Variants in GNA12 observed in about 807,000 individuals in gnomAD.
GNA12 encodes G protein subunit alpha 12.
Under a neutral mutation model 26.0 loss-of-function variants are expected in GNA12, and 9 were observed. The observed-to-expected ratio is 0.35, with a 90% CI of 0.21 to 0.60. The LOEUF (loss-of-function observed/expected upper bound fraction) is 0.60. Ranked by LOEUF, GNA12 falls within the 20% of genes least tolerant of loss-of-function variation. The probability of loss-of-function intolerance (pLI) is 0.78; values close to 1 mark genes in which losing one functional copy is unlikely to be tolerated. For missense variants in GNA12, 405 were observed against 525.8 expected (o/e 0.77, Z 2.25); for synonymous variants, 264 against 219.6 (o/e 1.20, Z -1.79).
chr7:2,777,094 G>A (rs551994369), intron 2 of GNA12, among the ~76,000 whole-genome samples: 2 of 152,296 alleles, frequency 1.3e-5, no homozygotes, highest in East Asian at 3.9e-4. Context: ...TCCTGCACCT[G>A]TGTAGCCCTA....
intron 2 of GNA12, among the ~76,000 whole-genome samples, chr7:2,788,756 A>ATGACCACAC (rs1583282584): frequency 6.6e-6 from 1 of 152,210 alleles, no homozygotes; most frequent in East Asian, 1.9e-4. Flanking sequence ...CTGCCCTGCT[A>ATGACCACAC]TGACCACACT....
At chr7:2,769,116 C>G (rs1791885778) in intron 2 of GNA12, among the ~76,000 whole-genome samples, 1 of 152,070 alleles carries the variant, frequency 6.6e-6, no homozygotes, top group Non-Finnish European at 1.5e-5. Context: ...GGTAGCCAGG[C>G]TGGTCTCGAA....
intron 2 of GNA12, among the ~76,000 whole-genome samples, chr7:2,737,065 A>G (rs1364302507): frequency 6.6e-6 from 1 of 152,092 alleles, no homozygotes; most frequent in Admixed American, 6.5e-5. Flanking sequence ...GGTGTGCATT[A>G]AAGACAGCCC....
chr7:2,831,259 C>A (rs192622425), intron 1 of GNA12, among the ~76,000 whole-genome samples: 1 of 152,054 alleles, frequency 6.6e-6, no homozygotes, highest in African/African-American at 2.4e-5. Context: ...CAGCTCATCT[C>A]CCAGGGAGTT....
At chr7:2,740,636 A>T (rs1252274435) in intron 2 of GNA12, among the ~76,000 whole-genome samples, 2 of 152,212 alleles carry the variant, frequency 1.3e-5, no homozygotes, top group Non-Finnish European at 2.9e-5. Context: ...AAAGATGGTG[A>T]AATGTAAACA....
Position 2,844,202 on chromosome 7 carries a change from G to C in GNA12, c.-41C>G, listed in dbSNP as rs888586611. ...GGCCGCGCCCCGCCGGCGCCCGGGG[G>C]CCATGGACGCTCCCGCCGGCGAGGG... is the stretch of plus-strand genomic sequence containing the variant. On this transcript the variant is annotated 5_prime_UTR_variant, in exon 1 of 4. Coordinates refer to ENST00000275364, the MANE Select transcript of GNA12 (RefSeq NM_007353.3). 2 of 943,396 alleles carry C rather than the reference G, an allele frequency of 2.1e-6. No individual in the cohort carries two copies. Among genetic ancestry groups the C allele is most frequent in the South Asian group, 9.4e-5 (2 of 21,358 alleles). 58.4% of individuals were successfully genotyped at this position (943,396 alleles called of 1,614,324 possible). A position where few individuals can be genotyped will look rare whatever the true frequency, so the allele number is the denominator to read the frequency against.
intron 2 of GNA12, chr7:2,762,472 C>T: frequency 1.5e-6 from 1 of 652,768 alleles, no homozygotes; most frequent in Non-Finnish European, 2.5e-6. Flanking sequence ...CCTCTGAACC[C>T]ACCCGTGTGC....
chr7:2,760,855 C>T (rs931285957), intron 2 of GNA12, among the ~76,000 whole-genome samples: 3 of 152,186 alleles, frequency 2.0e-5, no homozygotes, highest in Non-Finnish European at 2.9e-5. Context: ...GCTGGTGACA[C>T]GAGGAACAGA....
intron 2 of GNA12, among the ~76,000 whole-genome samples, chr7:2,752,380 T>C (rs1324695466): frequency 6.6e-6 from 1 of 152,168 alleles, no homozygotes; most frequent in Non-Finnish European, 1.5e-5. Flanking sequence ...ACACTGGGTG[T>C]AAGGCAAGGA....
rs758106371 is a variant in GNA12 at position 2,795,126 on chromosome 7, A to G, written c.327T>C (p.Val109=). The change falls in exon 2 of 4, where the codon GTT becomes GTC. Residue 109 remains valine, a synonymous_variant. Coordinates refer to ENST00000275364, the MANE Select transcript of GNA12 (RefSeq NM_007353.3). Reference sequence around the variant, plus strand: ...GAATGCCAAGCTTATCTCGTGCATCAACAAGAACCCTTGAGCCCTAGAAAA... The same window carrying G: ...GAATGCCAAGCTTATCTCGTGCATCGACAAGAACCCTTGAGCCCTAGAAAA... ...DNILKGSRVL[V]DARDKLGIPW... 4.3e-6 allele frequency: 7 copies of G among 1,612,760 alleles called. No homozygotes were observed. The highest frequency in any genetic ancestry group is 5.9e-6 in the Non-Finnish European group (7 of 1,178,876).
chr7:2,808,176 G>A (rs1047801674), intron 1 of GNA12, among the ~76,000 whole-genome samples: 3 of 152,130 alleles, frequency 2.0e-5, no homozygotes, highest in Admixed American at 6.5e-5. Context: ...TATCTCTTTC[G>A]GGAATCTGTG....
intron 1 of GNA12, among the ~76,000 whole-genome samples, chr7:2,809,770 C>A (rs1440551321): frequency 6.6e-6 from 1 of 151,996 alleles, no homozygotes; most frequent in African/African-American, 2.4e-5. Context: ...ATAGAAGAAG[C>A]AATTTTCACA....
chr7:2,733,601 T>C, intron 2 of GNA12, 100 bp from the exon 3 acceptor site: 3 of 854,218 alleles, frequency 3.5e-6, no homozygotes, highest in Non-Finnish European at 5.9e-6. Context: ...GCATTTCGCC[T>C]CCGTGTGAAT....
chr7:2,754,685 G>A (rs950282160), intron 2 of GNA12, among the ~76,000 whole-genome samples: 3 of 152,112 alleles, frequency 2.0e-5, no homozygotes, highest in Non-Finnish European at 4.4e-5. Flanking sequence ...GGAGACTGAG[G>A]CTGCAGTGAG....
At chr7:2,762,820 G>T in intron 2 of GNA12, 1 of 1,523,448 alleles carries the variant, frequency 6.6e-7, no homozygotes, top group South Asian at 1.2e-5. Flanking sequence ...CCTCCCATCC[G>T]CCACACACCC....
chr7:2,811,612 C>T (rs1400543428), intron 1 of GNA12, among the ~76,000 whole-genome samples: 5 of 152,212 alleles, frequency 3.3e-5, no homozygotes, highest in Admixed American at 6.5e-5. Context: ...AAGCACACGG[C>T]ACAGATTTCG....
intron 1 of GNA12, among the ~76,000 whole-genome samples, chr7:2,815,721 G>C (rs956877056): frequency 1.3e-5 from 2 of 152,154 alleles, no homozygotes; most frequent in Admixed American, 6.5e-5. Context: ...GGTGCTCCCC[G>C]TGTGGCCCCG....
At chr7:2,835,578 G>C (rs1778814895) in intron 1 of GNA12, 2 of 553,608 alleles carry the variant, frequency 3.6e-6, no homozygotes, top group Non-Finnish European at 3.3e-6. Context: ...GAGCGCGCTT[G>C]GGGGCAAAGT....
intron 2 of GNA12, among the ~76,000 whole-genome samples, chr7:2,734,677 C>T (rs1377440182): frequency 6.6e-6 from 1 of 152,240 alleles, no homozygotes; most frequent in Non-Finnish European, 1.5e-5. Flanking sequence ...AGGAGCCCAC[C>T]TTCCTACTTT....
Sources: allele counts gnomAD v4.1 joint callset (sites outside exome capture counted in the v4.1 genomes callset), GRCh38; gene constraint gnomAD v4.1.1; transcripts MANE v1.5; gene names NCBI Gene and HGNC (gene_info 2026-07-23, HGNC 2026-07-21).